Variants in RYK observed in about 807,000 individuals in gnomAD.
The protein encoded by RYK is inactive tyrosine-protein kinase RYK.
RYK carries 21 observed loss-of-function variants against 70.2 expected under a neutral mutation model. The observed-to-expected ratio is 0.30, with a 90% confidence interval of 0.21 to 0.43. RYK has a LOEUF of 0.43. Among genes scored for constraint, RYK ranks in the 20% least tolerant of loss-of-function variants. RYK has a pLI of 1.00. For missense variants in RYK, 604 were observed against 753.3 expected (o/e 0.80, Z 2.32); for synonymous variants, 267 against 278.0 (o/e 0.96, Z 0.39).
chr3:134,249,802 T>C (rs927671579), intron 1 of RYK, among the ~76,000 whole-genome samples: 2 of 152,004 alleles, frequency 1.3e-5, no homozygotes, highest in African/African-American at 4.8e-5. Flanking sequence ...TACCTGGCGA[T>C]TCATTCACTA....
Position 134,183,088 on chromosome 3 carries a change from GA to G in RYK, c.1103-18del. On this transcript the variant is annotated intron_variant, in intron 9 of 14. Coordinates refer to ENST00000623711, the MANE Select transcript of RYK (RefSeq NM_002958.4). ...AAGCTTGATCTATATATAAAGAAAA[GA>G]AAATGTCTTGAATAATAATACTACA... 6.7e-7 allele frequency: 1 copy of G among 1,485,040 alleles called. No individual in the cohort carries two copies. The highest frequency in any genetic ancestry group is 9.2e-7 in the Non-Finnish European group (1 of 1,090,506). 92.0% of individuals were successfully genotyped at this position (1,485,040 alleles called of 1,614,324 possible).
At chr3:134,185,995 T>C (rs2013446297) in intron 9 of RYK, among the ~76,000 whole-genome samples, 1 of 152,182 alleles carries the variant, frequency 6.6e-6, no homozygotes, top group African/African-American at 2.4e-5. Context: ...TTTAATTACA[T>C]AATGAAAGGT....
rs557599616 is a variant in RYK at position 134,241,032 on chromosome 3, AG to A, written c.232+9390del. Among the ~76,000 whole-genome samples, 846 of 152,272 alleles carry A rather than the reference AG, an allele frequency of 5.6e-3. 42 individuals are homozygous for A. The highest frequency in any genetic ancestry group is 0.052 in the Admixed American group (796 of 15,290). Reference sequence around the variant, plus strand: ...AAACACATGCATATGCACATAAAAAAGGTGGAGGCCTGGTATGGTGGCTCAC... The same window carrying A: ...AAACACATGCATATGCACATAAAAAAGTGGAGGCCTGGTATGGTGGCTCAC... On this transcript the variant is annotated intron_variant, in intron 1 of 14. Transcript: ENST00000623711.
intron 13 of RYK, among the ~76,000 whole-genome samples, chr3:134,167,168 C>T (rs1201815753): frequency 6.6e-6 from 1 of 152,030 alleles, no homozygotes; most frequent in East Asian, 1.9e-4. Flanking sequence ...ATAAGCGCTC[C>T]ATGCTCATGG....
At chr3:134,216,270 T>A (rs2107682052) in intron 2 of RYK, among the ~76,000 whole-genome samples, 1 of 152,288 alleles carries the variant, frequency 6.6e-6, no homozygotes, top group Admixed American at 6.5e-5. Context: ...AATAGCCTTT[T>A]AATTTCTCTG....
At chr3:134,244,548 GAATGCCTAC>G (rs532030937) in intron 1 of RYK, among the ~76,000 whole-genome samples, 9 of 152,100 alleles carry the variant, frequency 5.9e-5, no homozygotes, top group Non-Finnish European at 1.2e-4. Flanking sequence ...ATGCAGAAAT[GAATGCCTAC>G]ATTGCAGCCT....
intron 9 of RYK, 93 bp from the exon 10 acceptor site, chr3:134,183,164 T>G: frequency 1.5e-6 from 1 of 673,878 alleles, no homozygotes; most frequent in Non-Finnish European, 2.4e-6. Flanking sequence ...TCTTGAACTA[T>G]AAGGTACATA....
In RYK at chr3:134,159,473, C is replaced by G; in HGVS notation, c.1576-100G>C. Reference sequence around the variant, plus strand: ...CAGGACAAAAAATAACAGCTCAACTCATGCTTTGGAAAAGCGAAATGTTAT... The same window carrying G: ...CAGGACAAAAAATAACAGCTCAACTGATGCTTTGGAAAAGCGAAATGTTAT... On this transcript the variant is annotated intron_variant, in intron 13 of 14. Coordinates refer to ENST00000623711, the MANE Select transcript of RYK (RefSeq NM_002958.4). The G allele has an allele frequency of 3.4e-6, 4 of 1,167,338 alleles. No homozygotes were observed. In the Middle Eastern group the frequency reaches 6.1e-4, roughly 177 times the overall value. 72.3% of individuals were successfully genotyped at this position (1,167,338 alleles called of 1,614,324 possible).
Position 134,225,681 on chromosome 3 carries a change from C to T in RYK, c.233-3142G>A, listed in dbSNP as rs72986424. ...CCAGCCTGGGCAACACAGCAACAAC[C>T]CATCTCTATAAAAAACTTTTTTTAA... On this transcript the variant is annotated intron_variant, in intron 1 of 14. Transcript: ENST00000623711. Among the ~76,000 whole-genome samples the T allele has an allele frequency of 7.7e-3, 1,168 of 152,172 alleles. 15 individuals are homozygous for T. The highest frequency in any genetic ancestry group is 0.027 in the African/African-American group (1,123 of 41,520).
chr3:134,168,778 AAATAAT>A (rs901339362), intron 13 of RYK, among the ~76,000 whole-genome samples: 1 of 152,040 alleles, frequency 6.6e-6, no homozygotes, highest in African/African-American at 2.4e-5. Flanking sequence ...ATAAAAAATA[AAATAAT>A]AATAATAAGA....
intron 6 of RYK, among the ~76,000 whole-genome samples, chr3:134,200,773 A>G (rs2013986852): frequency 6.6e-6 from 1 of 152,240 alleles, no homozygotes; most frequent in South Asian, 2.1e-4. Flanking sequence ...CCAGGCTTCA[A>G]ACAGAGATGG....
chr3:134,229,135 C>G (rs1355025454), intron 1 of RYK, among the ~76,000 whole-genome samples: 2 of 151,976 alleles, frequency 1.3e-5, no homozygotes, highest in Non-Finnish European at 2.9e-5. Flanking sequence ...ATGTAAAAGC[C>G]AAAACTATAA....
At chr3:134,190,492 A>G (rs1445722052) in intron 8 of RYK, among the ~76,000 whole-genome samples, 1 of 152,136 alleles carries the variant, frequency 6.6e-6, no homozygotes, top group Non-Finnish European at 1.5e-5. Context: ...AATGTAAAAG[A>G]GCATGTGTTC....
intron 12 of RYK, 74 bp downstream of exon 12, chr3:134,175,856 C>T (rs915552152): frequency 1.7e-5 from 27 of 1,548,670 alleles, no homozygotes; most frequent in South Asian, 1.1e-5. Context: ...ACAAGTCCCA[C>T]TGTGACTCGC....
chr3:134,163,770 G>A (rs569481105), intron 13 of RYK, among the ~76,000 whole-genome samples: 2 of 152,284 alleles, frequency 1.3e-5, no homozygotes, highest in African/African-American at 4.8e-5. Context: ...CACAGTGGAA[G>A]CATCATCAGG....
At chr3:134,173,715 T>C (rs1446532043) in intron 13 of RYK, among the ~76,000 whole-genome samples, 1 of 152,140 alleles carries the variant, frequency 6.6e-6, no homozygotes, top group Non-Finnish European at 1.5e-5. Flanking sequence ...CAAGATGAGA[T>C]TTTGGGTGGG....
chr3:134,250,627 G>GC lies in RYK; in HGVS notation c.27dup (p.Pro10AlafsTer71). ...GCCCCCGGGAGGCAACTCCGGCCCGGCCGCCCCAGCCGCGCCGCCCCACGC... is the reference window on the plus strand; with the variant it reads ...GCCCCCGGGAGGCAACTCCGGCCCGGCCCGCCCCAGCCGCGCCGCCCCACGC... On this transcript the variant is annotated frameshift_variant, in exon 1 of 15. Coordinates refer to ENST00000623711, the MANE Select transcript of RYK (RefSeq NM_002958.4). LOFTEE classifies it high-confidence loss of function. 1.0e-6 allele frequency: 1 copy of GC among 987,804 alleles called. No individual in the cohort carries two copies. Among genetic ancestry groups the GC allele is most frequent in the Non-Finnish European group, 1.2e-6 (1 of 832,536 alleles). 61.2% of individuals were successfully genotyped at this position (987,804 alleles called of 1,614,324 possible).
At chr3:134,247,121 T>C (rs963096994) in intron 1 of RYK, among the ~76,000 whole-genome samples, 2 of 151,920 alleles carry the variant, frequency 1.3e-5, no homozygotes, top group Admixed American at 1.3e-4. Context: ...CAAAAATGTA[T>C]AAAAAAAATC....
chr3:134,250,183 G>A (rs1254397871), intron 1 of RYK, among the ~76,000 whole-genome samples: 1 of 152,078 alleles, frequency 6.6e-6, no homozygotes, highest in Non-Finnish European at 1.5e-5. Flanking sequence ...GGTGAATCTG[G>A]GTCTATCGCG....
Sources: allele counts gnomAD v4.1 joint callset (sites outside exome capture counted in the v4.1 genomes callset), GRCh38; gene constraint gnomAD v4.1.1; transcripts MANE v1.5; gene names NCBI Gene and HGNC (gene_info 2026-07-23, HGNC 2026-07-21).